DLGAP1: variants seen among roughly 807,000 people sequenced by gnomAD.
The protein encoded by DLGAP1 is DLG associated protein 1, also known as disks large-associated protein 1.
In DLGAP1, 11 loss-of-function variants were observed where a neutral mutation model predicts 90.8. That is an observed-to-expected ratio of 0.12 (90% confidence interval 0.08 to 0.20). The LOEUF (loss-of-function observed/expected upper bound fraction) is 0.20, where lower values mean the gene tolerates loss of function less well. Among genes scored for constraint, DLGAP1 ranks in the 10% least tolerant of loss-of-function variants. DLGAP1 has a pLI of 1.00. For missense variants in DLGAP1, 1,050 were observed against 1,333.8 expected (o/e 0.79, Z 3.31); for synonymous variants, 558 against 540.7 (o/e 1.03, Z -0.44).
At chr18:3,896,566 T>C (rs1238900825) in intron 3 of DLGAP1, 1 of 152,198 alleles carries the variant, frequency 6.6e-6, no homozygotes, top group East Asian at 1.9e-4. Context: ...TCAGTGGCCC[T>C]GAGATCATGT....
At chr18:3,577,513 T>C (rs945773222) in intron 8 of DLGAP1, among the ~76,000 whole-genome samples, 11 of 152,186 alleles carry the variant, frequency 7.2e-5, no homozygotes, top group African/African-American at 2.7e-4. Flanking sequence ...TACTATGCGG[T>C]GGTATAAAAC....
chr18:4,290,818 A>G (rs1487305019), intron 1 of DLGAP1, among the ~76,000 whole-genome samples: 2 of 152,078 alleles, frequency 1.3e-5, no homozygotes, highest in Non-Finnish European at 2.9e-5. Flanking sequence ...GAAAAGAAAA[A>G]CCAAACCCAC....
intron 1 of DLGAP1, among the ~76,000 whole-genome samples, chr18:4,328,714 G>C (rs2080880800): frequency 6.6e-6 from 1 of 151,846 alleles, no homozygotes; most frequent in African/African-American, 2.4e-5. Flanking sequence ...ATTATTGCCA[G>C]ACCTTTTCAT....
intron 3 of DLGAP1, among the ~76,000 whole-genome samples, chr18:3,913,094 A>G: frequency 6.6e-6 from 1 of 152,010 alleles, no homozygotes; most frequent in East Asian, 1.9e-4. Context: ...CCTTAGTGGG[A>G]AGAGATACTT....
At chr18:4,215,456 C>T (rs1288517473) in intron 1 of DLGAP1, among the ~76,000 whole-genome samples, 2 of 152,052 alleles carry the variant, frequency 1.3e-5, no homozygotes, top group African/African-American at 4.8e-5. Flanking sequence ...CTTTGAACGG[C>T]GTATCTCATA....
At chr18:4,002,802 A>G (rs995931521) in intron 3 of DLGAP1, among the ~76,000 whole-genome samples, 5 of 152,138 alleles carry the variant, frequency 3.3e-5, no homozygotes, top group African/African-American at 9.7e-5. Flanking sequence ...ACGTCCATGC[A>G]TGTTGTTAAT....
intron 3 of DLGAP1, among the ~76,000 whole-genome samples, chr18:3,963,583 GT>G (rs35099419): frequency 0.25 from 29,692 of 117,496 alleles, 4,542 homozygotes; most frequent in African/African-American, 0.48. Flanking sequence ...ACTTTGGGCT[GT>G]TTTTTTTTTT....
At chr18:4,040,544 G>A (rs2074958867) in intron 2 of DLGAP1, among the ~76,000 whole-genome samples, 1 of 152,132 alleles carries the variant, frequency 6.6e-6, no homozygotes, top group African/African-American at 2.4e-5. Flanking sequence ...TCACAATGTG[G>A]TAGAAACTAT....
chr18:4,247,296 T>C (rs1428889525), intron 1 of DLGAP1, among the ~76,000 whole-genome samples: 2 of 152,194 alleles, frequency 1.3e-5, no homozygotes, highest in Non-Finnish European at 2.9e-5. Context: ...TATACTCTTA[T>C]TCCCATTTTT....
At chr18:3,808,861 A>G (rs1266421060) in intron 5 of DLGAP1, among the ~76,000 whole-genome samples, 2 of 152,194 alleles carry the variant, frequency 1.3e-5, no homozygotes, top group Non-Finnish European at 2.9e-5. Context: ...GCAAGAGGCT[A>G]TGGTTTTGGG....
At chr18:4,322,951 A>C (rs1419511445) in intron 1 of DLGAP1, among the ~76,000 whole-genome samples, 7 of 94,922 alleles carry the variant, frequency 7.4e-5, no homozygotes, top group Admixed American at 2.3e-4. Context: ...CAGAAAAAAA[A>C]AAAAAAAAAA....
intron 3 of DLGAP1, among the ~76,000 whole-genome samples, chr18:3,887,337 G>A (rs1456804513): frequency 2.0e-5 from 3 of 152,214 alleles, no homozygotes; most frequent in African/African-American, 7.2e-5. Flanking sequence ...ATGCAGCACT[G>A]TATTTGCAGG....
intron 7 of DLGAP1, among the ~76,000 whole-genome samples, chr18:3,707,007 T>A (rs2061453882): frequency 6.6e-6 from 1 of 152,274 alleles, no homozygotes; most frequent in African/African-American, 2.4e-5. Flanking sequence ...GAGAACTGAA[T>A]GACATCAAAG....
chr18:3,765,084 G>A (rs1396046763), intron 5 of DLGAP1, among the ~76,000 whole-genome samples: 1 of 150,386 alleles, frequency 6.6e-6, no homozygotes, highest in Admixed American at 6.7e-5. Flanking sequence ...TGGCTGCTTT[G>A]GAAGGCTCAG....
chr18:3,584,942 G>A (rs1243497614), intron 7 of DLGAP1, among the ~76,000 whole-genome samples: 1 of 152,068 alleles, frequency 6.6e-6, no homozygotes, highest in Admixed American at 6.6e-5. Flanking sequence ...TGTAGAGATG[G>A]GGGTCTTGTT....
intron 2 of DLGAP1, among the ~76,000 whole-genome samples, chr18:4,006,514 C>A (rs1014797069): frequency 2.0e-5 from 3 of 150,662 alleles, no homozygotes; most frequent in Admixed American, 2.0e-4. Flanking sequence ...TAAGAGTGCT[C>A]CAGCTGTTGA....
At chr18:3,919,923 A>C (rs1486358652) in intron 3 of DLGAP1, among the ~76,000 whole-genome samples, 2 of 152,218 alleles carry the variant, frequency 1.3e-5, no homozygotes, top group African/African-American at 4.8e-5. Context: ...ACAGAGGCGC[A>C]GTTAGATACA....
intron 4 of DLGAP1, chr18:3,845,606 T>A (rs2068961982): frequency 1.0e-6 from 1 of 985,310 alleles, no homozygotes; most frequent in South Asian, 4.7e-5. Context: ...CATATTGCTA[T>A]CTTTCATTAT....
At chr18:4,332,384 G>A (rs574488018) in intron 1 of DLGAP1, among the ~76,000 whole-genome samples, 26 of 151,842 alleles carry the variant, frequency 1.7e-4, no homozygotes, top group South Asian at 2.1e-4. Flanking sequence ...AATATTTTGC[G>A]TATTATTAGG....
Sources: gnomAD v4.1 joint callset for allele counts (sites outside exome capture counted in the v4.1 genomes callset) on GRCh38, gnomAD v4.1.1 for gene constraint, MANE v1.5 for transcripts, NCBI Gene and HGNC (gene_info 2026-07-23, HGNC 2026-07-21) for gene names.